Variants in AGT observed in about 807,000 individuals in gnomAD.
AGT encodes the protein alpha-1 antiproteinase, antitrypsin.
In AGT, 26 loss-of-function variants were observed where a neutral mutation model predicts 28.1. The ratio of observed to expected loss-of-function variants is 0.92; its 90% CI spans 0.68 to 1.28. The LOEUF (loss-of-function observed/expected upper bound fraction) is 1.28. Ranked by LOEUF, AGT falls within the 50% of genes most tolerant of loss-of-function variation. The pLI is 0.00. For missense variants in AGT, 596 were observed against 592.3 expected, an observed-to-expected ratio of 1.01 and a Z score of -0.06; for synonymous variants, 259 against 259.6, an observed-to-expected ratio of 1.00 and a Z score of 0.02.
At chr1:230,710,908 C>T in intron 1 of AGT, 55 bp from the exon 2 acceptor site, 3 of 1,577,242 alleles carry the variant, frequency 1.9e-6, no homozygotes, top group South Asian at 1.1e-5. Flanking sequence ...CCTTTAAGTG[C>T]CATCTAACCA....
chr1:230,720,333 C>T (rs1663818534), intron 1 of AGT, among the ~76,000 whole-genome samples: 1 of 152,162 alleles, frequency 6.6e-6, no homozygotes, highest in Admixed American at 6.6e-5. Flanking sequence ...TAGTTACTGA[C>T]TTCTTTAATC....
chr1:230,710,647 T>TATG lies in AGT; in HGVS notation c.174_176dup (p.Ile59dup). The TATG allele has an allele frequency of 6.2e-7, 1 of 1,614,182 alleles. No individual in the cohort carries two copies. The highest frequency in any genetic ancestry group is 8.5e-7 in the Non-Finnish European group (1 of 1,180,038). The stretch of plus-strand genomic sequence containing the variant: ...ATGTCTTGGCCTGAATTGGAGCAGG[T>TATG]ATGAAGGTGGGGTCTTTGGGCTTCC... On this transcript the variant is annotated inframe_insertion, in exon 2 of 5. Coordinates refer to ENST00000366667, the MANE Select transcript of AGT (RefSeq NM_001384479.1).
intron 1 of AGT, among the ~76,000 whole-genome samples, chr1:230,730,907 G>C (rs530470009): frequency 6.6e-6 from 1 of 152,298 alleles, no homozygotes; most frequent in Admixed American, 6.5e-5. Context: ...CCCCTTTTGA[G>C]CTATGTATTC....
intron 1 of AGT, among the ~76,000 whole-genome samples, chr1:230,712,648 G>T (rs571216461): frequency 3.4e-4 from 51 of 152,230 alleles, no homozygotes; most frequent in Non-Finnish European, 5.4e-4. Flanking sequence ...GATGGCGCTG[G>T]TCGATGCAGC....
intron 1 of AGT, among the ~76,000 whole-genome samples, chr1:230,731,111 C>T (rs554537669): frequency 6.6e-5 from 10 of 152,250 alleles, no homozygotes; most frequent in Admixed American, 6.5e-4. Flanking sequence ...CCTTTTTGTT[C>T]CTTTAAAAAC....
Position 230,703,161 on chromosome 1 carries a change from T to C in AGT, c.1411A>G (p.Asn471Asp). 6.2e-7 allele frequency: 1 copy of C among 1,613,964 alleles called. No individual in the cohort carries two copies. Among genetic ancestry groups the C allele is most frequent in the Non-Finnish European group, 8.5e-7 (1 of 1,180,048 alleles). The change falls in exon 5 of 5, where the codon AAC (asparagine) becomes GAC (aspartate). Residue 471 changes from asparagine to aspartate, a missense_variant. By Grantham distance (23) the Asn-to-Asp change is conservative. Transcript: ENST00000366667. ...TALHFLGRVANPLSTA is the reference protein window; with the variant it reads ...TALHFLGRVADPLSTA ...TGGCCTCATGCTGTGCTCAGCGGGT[T>C]GGCCACGCGGCCCAGGAAGTGCAGG...
At chr1:230,728,605 C>T (rs568296836) in intron 1 of AGT, among the ~76,000 whole-genome samples, 2 of 152,192 alleles carry the variant, frequency 1.3e-5, no homozygotes, top group South Asian at 2.1e-4. Flanking sequence ...ATGATAGCCA[C>T]GATAATAAAA....
chr1:230,717,397 C>T (rs956145136), upstream of AGT, among the ~76,000 whole-genome samples: 1 of 152,084 alleles, frequency 6.6e-6, no homozygotes, highest in African/African-American at 2.4e-5. Flanking sequence ...ACTCCTCTCT[C>T]CAGCAAAACT....
At chr1:230,714,669 T>G (rs1310706711), upstream of AGT, among the ~76,000 whole-genome samples, 1 of 152,074 alleles carries the variant, frequency 6.6e-6, no homozygotes, top group East Asian at 1.9e-4. Context: ...CACAAGCAAG[T>G]GAAAAGTGCC....
At position 230,710,463 on chromosome 1, in the gene AGT, C is replaced by A. The variant is rs1663547373; in HGVS notation, c.361G>T (p.Gly121Trp). 1 of 1,614,104 alleles carries A rather than the reference C, an allele frequency of 6.2e-7. No homozygotes were observed. The highest frequency in any genetic ancestry group is 1.1e-5 in the South Asian group (1 of 91,086). ...GCCGTTGGGGAGAGGACGGTGGCCC[C>A]ATGGACCACGCCCCATAGCTCACTG... ...MHSELWGVVH[G>W]ATVLSPTAVF... Residue 121 changes from glycine (G) to tryptophan (W), a missense_variant, in exon 2 of 5, where the codon GGG (glycine) becomes TGG (tryptophan). Coordinates refer to ENST00000366667, the MANE Select transcript of AGT (RefSeq NM_001384479.1).
At chr1:230,712,112 G>C (rs1322691606) in intron 1 of AGT, among the ~76,000 whole-genome samples, 1 of 152,140 alleles carries the variant, frequency 6.6e-6, no homozygotes, top group African/African-American at 2.4e-5. Flanking sequence ...CTTGTGGAGG[G>C]GGGTGTACTG....
chr1:230,706,616 G>A (rs186962286), intron 2 of AGT, among the ~76,000 whole-genome samples: 39 of 152,226 alleles, frequency 2.6e-4, no homozygotes, highest in African/African-American at 9.1e-4. Context: ...AGTGACTTTA[G>A]GTTCACAGCA....
In AGT at chr1:230,708,603, C is replaced by A. The variant is rs1005803232; in HGVS notation, c.829+1392G>T. On this transcript the variant is annotated intron_variant, in intron 2 of 4. Coordinates refer to ENST00000366667, the MANE Select transcript of AGT (RefSeq NM_001384479.1). ...TCACTATGCGCCACTGAACCTCTTTCTCCACAGTCTTGTCTTTCACCTCCC... is the reference window on the plus strand; with the variant it reads ...TCACTATGCGCCACTGAACCTCTTTATCCACAGTCTTGTCTTTCACCTCCC... 2.6e-5 allele frequency among the ~76,000 whole-genome samples: 4 copies of A among 152,246 alleles called. No homozygotes were observed. In the South Asian group the frequency reaches 6.2e-4, roughly 24 times the overall value.
intron 1 of AGT, among the ~76,000 whole-genome samples, chr1:230,712,614 C>T (rs1663626403): frequency 6.6e-6 from 1 of 152,248 alleles, no homozygotes; most frequent in African/African-American, 2.4e-5. Flanking sequence ...TCCTGCCTGA[C>T]AAGCGCCAAC....
At chr1:230,727,740 C>T (rs1663970984) in intron 1 of AGT, among the ~76,000 whole-genome samples, 1 of 152,148 alleles carries the variant, frequency 6.6e-6, no homozygotes, top group Admixed American at 6.5e-5. Context: ...TTATTGATAC[C>T]TACCCTATAT....
intron 1 of AGT, among the ~76,000 whole-genome samples, chr1:230,737,230 A>G (rs970451806): frequency 1.3e-5 from 2 of 152,110 alleles, no homozygotes; most frequent in African/African-American, 4.8e-5. Flanking sequence ...CCGCAAGAAA[A>G]ACCCTGACAC....
chr1:230,731,863 T>C (rs1029309310), intron 1 of AGT, among the ~76,000 whole-genome samples: 4 of 151,754 alleles, frequency 2.6e-5, no homozygotes, highest in Non-Finnish European at 5.9e-5. Flanking sequence ...TGAGACTCCA[T>C]CTCAAAAAAA....
intron 3 of AGT, 92 bp downstream of exon 3, chr1:230,705,841 C>T: frequency 6.5e-7 from 1 of 1,534,578 alleles, no homozygotes; most frequent in Non-Finnish European, 9.0e-7. Flanking sequence ...GCACCCAAGG[C>T]TCAGCTCAGG....
chr1:230,733,210 G>A (rs1380209582), intron 1 of AGT, among the ~76,000 whole-genome samples: 2 of 152,102 alleles, frequency 1.3e-5, no homozygotes, highest in African/African-American at 4.8e-5. Context: ...TTAAACCTGG[G>A]AGGCAGAGGT....
Sources: gnomAD v4.1 joint callset for allele counts (sites outside exome capture counted in the v4.1 genomes callset) on GRCh38, gnomAD v4.1.1 for gene constraint, MANE v1.5 for transcripts, NCBI Gene and HGNC (gene_info 2026-07-23, HGNC 2026-07-21) for gene names.